PLCL1: variants seen among roughly 807,000 people sequenced by gnomAD.
The protein encoded by PLCL1 is phospholipase C like 1 (inactive).
PLCL1 carries 41 observed loss-of-function variants against 84.4 expected under a neutral mutation model. The observed-to-expected ratio is 0.49, with a 90% CI of 0.38 to 0.63. PLCL1 has a LOEUF of 0.63. PLCL1 is among the 30% of genes least tolerant of loss of function. PLCL1 has a pLI of 0.00. For synonymous variants in PLCL1, 490 were observed against 488.3 expected (o/e 1.00, Z -0.05); for missense variants, 1,206 against 1,367.8 (o/e 0.88, Z 1.87).
intron 1 of PLCL1, among the ~76,000 whole-genome samples, chr2:197,858,447 C>T (rs1036553493): frequency 2.4e-4 from 36 of 152,142 alleles, no homozygotes; most frequent in Admixed American, 1.7e-3. Flanking sequence ...TCCTCTATCG[C>T]GTTCTCCCTT....
intron 1 of PLCL1, among the ~76,000 whole-genome samples, chr2:197,945,488 T>G (rs907952362): frequency 1.3e-5 from 2 of 152,172 alleles, no homozygotes; most frequent in Admixed American, 1.3e-4. Context: ...TAGATGTTAA[T>G]AGCACAAACA....
chr2:197,830,100 G>T (rs1294206972), intron 1 of PLCL1, among the ~76,000 whole-genome samples: 1 of 151,990 alleles, frequency 6.6e-6, no homozygotes, highest in East Asian at 1.9e-4. Context: ...CCAAAAACCA[G>T]AATGCCCCTT....
intron 1 of PLCL1, among the ~76,000 whole-genome samples, chr2:198,038,813 A>G (rs1691598503): frequency 6.6e-6 from 1 of 151,300 alleles, no homozygotes; most frequent in African/African-American, 2.4e-5. Context: ...ACAAAAAGGG[A>G]AAATACTGTC....
intron 1 of PLCL1, among the ~76,000 whole-genome samples, chr2:197,971,966 T>C (rs1689877225): frequency 1.3e-5 from 2 of 152,256 alleles, no homozygotes; most frequent in African/African-American, 4.8e-5. Context: ...AGAAGTATAC[T>C]GCCAGTACAT....
Position 198,148,137 on chromosome 2 carries a change from G to A in PLCL1, c.*1175G>A, listed in dbSNP as rs904197506. The A allele has an allele frequency of 2.0e-5, 3 of 152,162 alleles. No homozygotes were observed. The allele number at this position is 152,162 out of a possible 1,614,324, so 9.4% of individuals were successfully genotyped here. The stretch of plus-strand genomic sequence containing the variant: ...ATTTTTACCCTAATGTCTTCATAAA[G>A]TACTTGAGTGTAATGTTTGTTACCT... On this transcript the variant is annotated 3_prime_UTR_variant, in exon 6 of 6. Coordinates refer to ENST00000428675, the MANE Select transcript of PLCL1 (RefSeq NM_006226.4).
chr2:197,818,580 G>A (rs1435004382), intron 1 of PLCL1, among the ~76,000 whole-genome samples: 2 of 152,044 alleles, frequency 1.3e-5, no homozygotes, highest in African/African-American at 2.4e-5. Flanking sequence ...TATTGCCCAG[G>A]TTGAACTTGA....
chr2:197,967,574 A>C (rs749707148), intron 1 of PLCL1, among the ~76,000 whole-genome samples: 4 of 151,998 alleles, frequency 2.6e-5, no homozygotes, highest in Non-Finnish European at 5.9e-5. Context: ...ATATTTCTTT[A>C]TTTACTTTGG....
chr2:198,125,062 G>A (rs1164949440), intron 5 of PLCL1, among the ~76,000 whole-genome samples: 3 of 152,118 alleles, frequency 2.0e-5, no homozygotes, highest in African/African-American at 7.2e-5. Flanking sequence ...ACTGCTGAAA[G>A]TTTCACCAGA....
At position 197,986,080 on chromosome 2, in the gene PLCL1, A is replaced by G. The variant is rs542040268; in HGVS notation, c.241-97678A>G. Among the ~76,000 whole-genome samples, 12 of 152,320 alleles carry G rather than the reference A, an allele frequency of 7.9e-5. No individual in the cohort carries two copies. In the East Asian group the frequency reaches 2.3e-3, roughly 29 times the overall value. Reference sequence around the variant, plus strand: ...GGGAGTGATATTAGATTCCTATATGACATCCTTTATCAGCCTACAGCTATG... The same window carrying G: ...GGGAGTGATATTAGATTCCTATATGGCATCCTTTATCAGCCTACAGCTATG... On this transcript the variant is annotated intron_variant, in intron 1 of 5. Transcript: ENST00000428675.
At chr2:197,809,727 C>A (rs1240924019) in intron 1 of PLCL1, among the ~76,000 whole-genome samples, 1 of 151,510 alleles carries the variant, frequency 6.6e-6, no homozygotes, top group Non-Finnish European at 1.5e-5. Context: ...GATACGCAGG[C>A]AGAAAAAATA....
At chr2:198,130,823 T>A (rs1694101513) in intron 5 of PLCL1, among the ~76,000 whole-genome samples, 1 of 152,162 alleles carries the variant, frequency 6.6e-6, no homozygotes, top group African/African-American at 2.4e-5. Flanking sequence ...ACCTTAGTTA[T>A]CTTCATTTAT....
At chr2:197,892,467 G>T (rs1559037188) in intron 1 of PLCL1, among the ~76,000 whole-genome samples, 1 of 152,150 alleles carries the variant, frequency 6.6e-6, no homozygotes, top group African/African-American at 2.4e-5. Context: ...ATGCTCTAGG[G>T]TAGCTGGGCT....
At chr2:197,832,234 T>C (rs1691082644) in intron 1 of PLCL1, among the ~76,000 whole-genome samples, 2 of 151,850 alleles carry the variant, frequency 1.3e-5, no homozygotes, top group African/African-American at 4.8e-5. Flanking sequence ...TTTGAAAAGA[T>C]TAACAAAATA....
intron 1 of PLCL1, among the ~76,000 whole-genome samples, chr2:197,876,521 A>G (rs1480059551): frequency 6.6e-6 from 1 of 152,048 alleles, no homozygotes; most frequent in East Asian, 1.9e-4. Context: ...GAACAGATTG[A>G]ATTTCCAGAG....
chr2:197,934,865 GAA>G (rs1559049812), intron 1 of PLCL1, among the ~76,000 whole-genome samples: 1 of 151,966 alleles, frequency 6.6e-6, no homozygotes, highest in African/African-American at 2.4e-5. Flanking sequence ...TAGAATAGGA[GAA>G]AATATCTGCA....
chr2:198,053,281 C>T (rs921626514), intron 1 of PLCL1, among the ~76,000 whole-genome samples: 1 of 152,196 alleles, frequency 6.6e-6, no homozygotes, highest in Non-Finnish European at 1.5e-5. Flanking sequence ...GAAGGTTCAA[C>T]CCCTGCAGGC....
At chr2:197,848,899 T>C (rs964266016) in intron 1 of PLCL1, among the ~76,000 whole-genome samples, 3 of 152,108 alleles carry the variant, frequency 2.0e-5, no homozygotes, top group Non-Finnish European at 2.9e-5. Flanking sequence ...GAAAATTCCT[T>C]TCTTTAACTA....
chr2:197,988,910 G>A (rs1690277510), intron 1 of PLCL1, among the ~76,000 whole-genome samples: 2 of 152,090 alleles, frequency 1.3e-5, no homozygotes, highest in African/African-American at 4.8e-5. Context: ...TTCAATAATA[G>A]TAATTCTTGC....
At chr2:197,911,537 A>T (rs1226501047) in intron 1 of PLCL1, among the ~76,000 whole-genome samples, 1 of 152,128 alleles carries the variant, frequency 6.6e-6, no homozygotes, top group Non-Finnish European at 1.5e-5. Context: ...TGCATAAAAT[A>T]TTGTACTTTA....
Sources: gnomAD v4.1 joint callset for allele counts (sites outside exome capture counted in the v4.1 genomes callset) on GRCh38, gnomAD v4.1.1 for gene constraint, MANE v1.5 for transcripts, NCBI Gene and HGNC (gene_info 2026-07-23, HGNC 2026-07-21) for gene names.